NME9: variants seen among roughly 807,000 people sequenced by gnomAD.
NME9 encodes NME/NM23 family member 9.
In NME9, 48 loss-of-function variants were observed where a neutral mutation model predicts 44.4. The observed-to-expected ratio is 1.08, with a 90% CI of 0.86 to 1.37. The LOEUF (loss-of-function observed/expected upper bound fraction) is 1.37, where lower values mean the gene tolerates loss of function less well. NME9 is among the 40% of genes most tolerant of loss of function. NME9 has a pLI of 0.00. For missense variants in NME9, 325 were observed against 405.2 expected (o/e 0.80, Z 1.70); for synonymous variants, 139 against 147.1 (o/e 0.94, Z 0.40).
intron 8 of NME9, among the ~76,000 whole-genome samples, chr3:138,280,479 G>A (rs1395927929): frequency 1.3e-5 from 2 of 148,442 alleles, no homozygotes; most frequent in Non-Finnish European, 3.0e-5. Flanking sequence ...CACCATGCCT[G>A]GTTACTTTCT....
chr3:138,304,216 A>T (rs1463596104), intron 9 of NME9, among the ~76,000 whole-genome samples: 1 of 152,222 alleles, frequency 6.6e-6, no homozygotes, highest in Non-Finnish European at 1.5e-5. Flanking sequence ...GGCTTTCACT[A>T]GCCCAGCCTG....
rs776320900 is a variant in NME9 at position 138,271,798 on chromosome 3, C to CTTTTTTTTTTTTTTT, written c.746-9227_746-9213dup. Among the ~76,000 whole-genome samples the CTTTTTTTTTTTTTTT allele has an allele frequency of 3.9e-3, 528 of 136,052 alleles. 16 individuals are homozygous for CTTTTTTTTTTTTTTT. The highest frequency in any genetic ancestry group is 0.014 in the African/African-American group (506 of 35,218). 89.3% of individuals were successfully genotyped at this position (136,052 alleles called of 152,430 possible). A position where few individuals can be genotyped will look rare whatever the true frequency, so the allele number is the denominator to read the frequency against. ...AGTTCACAAGATTTTTTTTTTCTTT[C>CTTTTTTTTTTTTTTT]TTTTTTTTTTTTTTTGATACAGAGT... On this transcript the variant is annotated intron_variant, in intron 8 of 8. Coordinates refer to the NME9 transcript ENST00000317876.
chr3:138,278,000 A>G (rs2049472083), intron 8 of NME9, among the ~76,000 whole-genome samples: 1 of 152,244 alleles, frequency 6.6e-6, no homozygotes, highest in African/African-American at 2.4e-5. Context: ...GCCAGATACA[A>G]TACAAAAGGC....
chr3:138,296,541 TAAAAAAAAAG>T (rs1011570600), downstream of NME9: 8 of 149,340 alleles, frequency 5.4e-5, no homozygotes, highest in Admixed American at 1.3e-4. Flanking sequence ...TTTCTTTATA[TAAAAAAAAAG>T]AAAAAAAAAG....
rs1246663851 is a variant in NME9 at position 138,301,492 on chromosome 3, A to G, written c.*148T>C. The stretch of plus-strand genomic sequence containing the variant: ...AGTGCTGGGATTACAGGTGTGAGTC[A>G]CTGCGCCCAGCCATATTATTTTCAT... On this transcript the variant is annotated 3_prime_UTR_variant, in exon 11 of 11. Coordinates refer to ENST00000333911, the MANE Select transcript of NME9 (RefSeq NM_001349018.2). 7.0e-7 allele frequency: 1 copy of G among 1,424,188 alleles called. No homozygotes were observed. Among genetic ancestry groups the G allele is most frequent in the Non-Finnish European group, 9.2e-7 (1 of 1,087,070 alleles). 88.2% of individuals were successfully genotyped at this position (1,424,188 alleles called of 1,614,324 possible).
downstream of NME9, chr3:138,297,585 G>A (rs1353330805): frequency 6.6e-6 from 1 of 152,208 alleles, no homozygotes; most frequent in East Asian, 1.9e-4. Flanking sequence ...TTTTAAAAAT[G>A]TATTTAATGC....
At chr3:138,328,005 T>A (rs1025460203) in intron 1 of NME9, among the ~76,000 whole-genome samples, 3 of 152,108 alleles carry the variant, frequency 2.0e-5, no homozygotes, top group Non-Finnish European at 4.4e-5. Context: ...TCTGCAGGCG[T>A]TACAGGACAG....
chr3:138,294,436 C>G (rs2051275557), intron 8 of NME9, among the ~76,000 whole-genome samples: 1 of 152,122 alleles, frequency 6.6e-6, no homozygotes, highest in Non-Finnish European at 1.5e-5. Context: ...TGAAAATGTC[C>G]TTGTAGAACC....
At chr3:138,324,744 C>A in intron 2 of NME9, 129 bp downstream of exon 2, 1 of 641,418 alleles carries the variant, frequency 1.6e-6, no homozygotes, top group Non-Finnish European at 2.9e-6. Context: ...ACACACATCA[C>A]CTGGTTTTTT....
chr3:138,266,606 G>T (rs1169596591), intron 8 of NME9, among the ~76,000 whole-genome samples: 1 of 152,142 alleles, frequency 6.6e-6, no homozygotes, highest in Non-Finnish European at 1.5e-5. Context: ...TATAGATGAA[G>T]AAATACAGGC....
At chr3:138,321,230 T>G (rs2053443927) in intron 2 of NME9, among the ~76,000 whole-genome samples, 1 of 152,246 alleles carries the variant, frequency 6.6e-6, no homozygotes, top group Non-Finnish European at 1.5e-5. Flanking sequence ...AATGGGACAC[T>G]ACAGACTGGG....
At chr3:138,285,952 CTTT>C (rs2050365486) in intron 8 of NME9, among the ~76,000 whole-genome samples, 1 of 152,018 alleles carries the variant, frequency 6.6e-6, no homozygotes, top group Non-Finnish European at 1.5e-5. Flanking sequence ...AGCCAAACTT[CTTT>C]TTATTTTGAG....
downstream of NME9, chr3:138,296,143 ACAAT>A (rs576005111): frequency 1.4e-4 from 60 of 423,776 alleles, no homozygotes; most frequent in Admixed American, 4.0e-4. Flanking sequence ...CTTTATTAGA[ACAAT>A]CAATCATTTT....
intron 8 of NME9, chr3:138,273,177 G>T: frequency 6.7e-7 from 1 of 1,495,160 alleles, no homozygotes; most frequent in Admixed American, 2.0e-5. Flanking sequence ...GCAAGACATT[G>T]CTCTCTCTCT....
chr3:138,299,698 C>T (rs2051740923), downstream of NME9, among the ~76,000 whole-genome samples: 1 of 152,180 alleles, frequency 6.6e-6, no homozygotes, highest in Non-Finnish European at 1.5e-5. Context: ...GCCCCATCAC[C>T]TAGTGCCCCA....
intron 8 of NME9, among the ~76,000 whole-genome samples, chr3:138,274,295 T>G (rs1282985523): frequency 1.3e-5 from 2 of 152,068 alleles, no homozygotes; most frequent in African/African-American, 4.8e-5. Context: ...AGCTTCAAAA[T>G]ATAATAAACA....
chr3:138,300,436 G>T (rs2051779841), downstream of NME9, among the ~76,000 whole-genome samples: 3 of 152,202 alleles, frequency 2.0e-5, no homozygotes, highest in African/African-American at 7.2e-5. Context: ...GGAGGAAGAC[G>T]CTGGCATTTG....
chr3:138,321,406 T>C (rs910913749), intron 2 of NME9, among the ~76,000 whole-genome samples: 9 of 152,198 alleles, frequency 5.9e-5, no homozygotes, highest in Non-Finnish European at 1.2e-4. Context: ...ATAAACTCCT[T>C]CCATCAAACC....
intron 8 of NME9, chr3:138,263,720 C>T (rs373912766): frequency 1.0e-4 from 160 of 1,596,834 alleles, no homozygotes; most frequent in Non-Finnish European, 1.2e-4. Context: ...ATTTATGCAG[C>T]ATTAACCTTT....
Sources: gnomAD v4.1 joint callset for allele counts (sites outside exome capture counted in the v4.1 genomes callset) on GRCh38, gnomAD v4.1.1 for gene constraint, MANE v1.5 for transcripts, NCBI Gene and HGNC (gene_info 2026-07-23, HGNC 2026-07-21) for gene names.